The following BACH2 variants were observed in gnomAD, a reference collection of about 807,000 sequenced individuals.
BACH2 encodes BACH transcriptional regulator 2.
In BACH2, 5 loss-of-function variants were observed where a neutral mutation model predicts 61.8. That is an observed-to-expected ratio of 0.08 (90% CI 0.04 to 0.17). BACH2 has a LOEUF of 0.17. Ranked by LOEUF, BACH2 falls within the 10% of genes least tolerant of loss-of-function variation. The probability of loss-of-function intolerance (pLI) is 1.00; values close to 1 mark genes in which losing one functional copy is unlikely to be tolerated. For missense variants in BACH2, 824 were observed against 1,091.1 expected (o/e 0.76, Z 3.45); for synonymous variants, 446 against 440.1 (o/e 1.01, Z -0.17).
At chr6:90,166,813 A>C (rs1466206890) in intron 4 of BACH2, among the ~76,000 whole-genome samples, 1 of 151,570 alleles carries the variant, frequency 6.6e-6, no homozygotes, top group Non-Finnish European at 1.5e-5. Flanking sequence ...AGGACAAAAA[A>C]CCAAACACCA....
intron 4 of BACH2, among the ~76,000 whole-genome samples, chr6:90,097,272 T>G (rs535435275): frequency 0.085 from 934 of 10,976 alleles, 5 homozygotes; most frequent in East Asian, 0.17. Context: ...GTTCTATAGA[T>G]TTTTTTTAAA....
intron 5 of BACH2, among the ~76,000 whole-genome samples, chr6:90,021,299 T>TAAAAAAAAAAA: frequency 1.0e-5 from 1 of 100,244 alleles, no homozygotes; most frequent in African/African-American, 3.3e-5. Context: ...AGCAAAAAAG[T>TAAAAAAAAAAA]AAAAAAAAAA....
In BACH2 at chr6:89,932,657, T is replaced by C. The variant is rs915321630; in HGVS notation, c.2277A>G (p.Gln759=). ...LGAEQNIAAS[Q]CAVGENVPCC... is the part of the protein sequence containing the mutation. ...AGGGCACGTTTTCCCCCACTGCGCATTGGGAGGCCGCAATGTTCTGCTCAG... is the reference window on the plus strand; with the variant it reads ...AGGGCACGTTTTCCCCCACTGCGCACTGGGAGGCCGCAATGTTCTGCTCAG... The change falls in exon 9 of 9, where the codon CAA becomes CAG. Residue 759 remains glutamine, a synonymous_variant. Coordinates refer to ENST00000257749, the MANE Select transcript of BACH2 (RefSeq NM_021813.4). 5.0e-6 allele frequency: 8 copies of C among 1,614,018 alleles called. No individual in the cohort carries two copies. The highest frequency in any genetic ancestry group is 4.5e-5 in the East Asian group (2 of 44,856).
chr6:89,942,299 G>T (rs1315892556), intron 7 of BACH2, among the ~76,000 whole-genome samples: 1 of 152,158 alleles, frequency 6.6e-6, no homozygotes, highest in African/African-American at 2.4e-5. Flanking sequence ...CTGACTGTTT[G>T]GTCCCGTGGA....
intron 4 of BACH2, among the ~76,000 whole-genome samples, chr6:90,138,184 G>A (rs1323077182): frequency 2.9e-4 from 44 of 151,990 alleles, no homozygotes; most frequent in Admixed American, 2.8e-3. Flanking sequence ...ACATGGACAC[G>A]AACTGGACAG....
At chr6:89,934,851 C>T (rs1037651978) in intron 8 of BACH2, among the ~76,000 whole-genome samples, 4 of 151,938 alleles carry the variant, frequency 2.6e-5, no homozygotes, top group East Asian at 3.9e-4. Context: ...AGCAGGCATG[C>T]GACACGCACA....
chr6:90,014,165 A>G (rs957323292), intron 5 of BACH2, among the ~76,000 whole-genome samples: 3 of 150,910 alleles, frequency 2.0e-5, no homozygotes, highest in African/African-American at 7.3e-5. Context: ...CAATACGGAG[A>G]TTTGTCTGTA....
At chr6:90,157,175 C>T (rs1382910763) in intron 4 of BACH2, among the ~76,000 whole-genome samples, 9 of 152,350 alleles carry the variant, frequency 5.9e-5, no homozygotes, top group African/African-American at 1.9e-4. Context: ...AAGAAGAATA[C>T]GAGCTCACAT....
At chr6:90,149,298 G>A (rs1784731419) in intron 4 of BACH2, among the ~76,000 whole-genome samples, 1 of 152,188 alleles carries the variant, frequency 6.6e-6, no homozygotes, top group East Asian at 1.9e-4. Context: ...ATGCTCAAAA[G>A]AACTCAGAAA....
intron 2 of BACH2, among the ~76,000 whole-genome samples, chr6:90,267,184 T>C (rs1348744374): frequency 6.6e-6 from 1 of 152,020 alleles, no homozygotes; most frequent in Non-Finnish European, 1.5e-5. Context: ...AACGAACAAA[T>C]AATATAAACC....
chr6:90,295,875 T>C (rs541073919), intron 1 of BACH2, among the ~76,000 whole-genome samples: 2 of 152,232 alleles, frequency 1.3e-5, no homozygotes, highest in South Asian at 2.1e-4. Context: ...AACTTGGGCT[T>C]TGATTCCCCG....
At chr6:90,147,135 T>TA (rs753800621) in intron 4 of BACH2, among the ~76,000 whole-genome samples, 1 of 151,874 alleles carries the variant, frequency 6.6e-6, no homozygotes, top group South Asian at 2.1e-4. Context: ...ATGCAATATT[T>TA]AAAAAAAAGC....
chr6:90,182,914 A>T (rs1311212664), intron 4 of BACH2, among the ~76,000 whole-genome samples: 1 of 152,130 alleles, frequency 6.6e-6, no homozygotes. Context: ...TTTATTTTAG[A>T]TTCAGGGGGC....
chr6:90,170,025 T>C (rs1219985475), intron 4 of BACH2, among the ~76,000 whole-genome samples: 2 of 152,226 alleles, frequency 1.3e-5, no homozygotes, highest in African/African-American at 2.4e-5. Flanking sequence ...GATCAATATT[T>C]CTATTCATTT....
chr6:90,023,634 G>A (rs925674696), intron 5 of BACH2, among the ~76,000 whole-genome samples: 1 of 151,862 alleles, frequency 6.6e-6, no homozygotes, highest in Admixed American at 6.6e-5. Flanking sequence ...CTCAAAATTC[G>A]TATGTGGAAA....
intron 5 of BACH2, among the ~76,000 whole-genome samples, chr6:90,013,021 G>T (rs925507538): frequency 2.6e-5 from 4 of 152,060 alleles, no homozygotes; most frequent in African/African-American, 9.7e-5. Context: ...ACCTAAGTAT[G>T]AATATTTTTG....
At chr6:90,121,746 A>G (rs1783635472) in intron 4 of BACH2, among the ~76,000 whole-genome samples, 1 of 152,082 alleles carries the variant, frequency 6.6e-6, no homozygotes, top group Non-Finnish European at 1.5e-5. Flanking sequence ...GGGTTTCACC[A>G]TGTTGGTCAG....
At chr6:90,080,237 G>A (rs567289776) in intron 5 of BACH2, among the ~76,000 whole-genome samples, 3 of 152,144 alleles carry the variant, frequency 2.0e-5, no homozygotes, top group Non-Finnish European at 2.9e-5. Flanking sequence ...GGGCTGTGAG[G>A]AGTGATTTTG....
chr6:90,102,839 T>TAATAATAAAAAA (rs751278080), intron 4 of BACH2, among the ~76,000 whole-genome samples: 57 of 122,216 alleles, frequency 4.7e-4, no homozygotes, highest in Admixed American at 1.5e-3. Context: ...ATAATAATAA[T>TAATAATAAAAAA]AAAAATAAAA....
Sources: allele counts gnomAD v4.1 joint callset (sites outside exome capture counted in the v4.1 genomes callset), GRCh38; gene constraint gnomAD v4.1.1; transcripts MANE v1.5; gene names NCBI Gene and HGNC (gene_info 2026-07-23, HGNC 2026-07-21).